Variants in ATP13A5 observed in about 807,000 individuals in gnomAD.
ATP13A5 encodes ATPase 13A5, also known as probable cation-transporting ATPase 13A5.
A neutral mutation model predicts 150.2 loss-of-function variants in ATP13A5; 149 were observed. That is an observed-to-expected ratio of 0.99 (90% CI 0.87 to 1.14). ATP13A5 has a LOEUF of 1.14. ATP13A5 is among the 50% of genes most tolerant of loss of function. The probability of loss-of-function intolerance (pLI) is 0.00; values close to 1 mark genes in which losing one functional copy is unlikely to be tolerated. For missense variants in ATP13A5, 1,383 were observed against 1,449.3 expected (o/e 0.95, Z 0.74); for synonymous variants, 497 against 522.2 (o/e 0.95, Z 0.66).
intron 27 of ATP13A5, among the ~76,000 whole-genome samples, chr3:193,283,648 G>A (rs1267445830): frequency 6.6e-6 from 1 of 152,068 alleles, no homozygotes; most frequent in Admixed American, 6.6e-5. Flanking sequence ...ACTGATAGAA[G>A]TGAAAATCAG....
chr3:193,368,723 A>G (rs7638331), intron 1 of ATP13A5, among the ~76,000 whole-genome samples: 146,292 of 152,210 alleles, frequency 0.96, 70,332 homozygotes, highest in African/African-American at 0.98. Flanking sequence ...AACGAATAGC[A>G]CTGGAAAATA....
intron 1 of ATP13A5, among the ~76,000 whole-genome samples, chr3:193,368,250 A>G (rs1713317038): frequency 6.6e-6 from 1 of 152,214 alleles, no homozygotes; most frequent in Non-Finnish European, 1.5e-5. Flanking sequence ...TTACCTTGTA[A>G]TAATTCTAAC....
chr3:193,355,211 C>A (rs1011103050), intron 5 of ATP13A5, among the ~76,000 whole-genome samples: 1 of 152,076 alleles, frequency 6.6e-6, no homozygotes, highest in Admixed American at 6.6e-5. Flanking sequence ...AGATTACAAG[C>A]GTGAGCCAGC....
intron 4 of ATP13A5, 40 bp downstream of exon 4, chr3:193,362,527 C>T: frequency 6.2e-6 from 10 of 1,613,086 alleles, no homozygotes; most frequent in Non-Finnish European, 8.5e-6. Flanking sequence ...GTGTTTTTCC[C>T]CTATATCCTG....
In ATP13A5 at chr3:193,302,392, A is replaced by G. The variant is rs369573705; in HGVS notation, c.2679-1085T>C. Among the ~76,000 whole-genome samples, 26 of 152,318 alleles carry G rather than the reference A, an allele frequency of 1.7e-4. 1 individual carries two copies. In the South Asian group the frequency reaches 5.4e-3, roughly 32 times the overall value. On this transcript the variant is annotated intron_variant, in intron 23 of 29. Transcript: ENST00000342358. ...AAGCTGAGAAGGGGCAAGCATGTGA[A>G]GTATGGATCGTTTTCCCAAGTCTGA...
At chr3:193,301,176 A>C in intron 24 of ATP13A5, 35 bp downstream of exon 24, 1 of 1,472,436 alleles carries the variant, frequency 6.8e-7, no homozygotes. Flanking sequence ...ACATAAATGC[A>C]ATTAGAACTG....
chr3:193,282,500 C>A (rs1717544762), intron 27 of ATP13A5, among the ~76,000 whole-genome samples: 1 of 151,944 alleles, frequency 6.6e-6, no homozygotes, highest in Admixed American at 6.6e-5. Flanking sequence ...CTCAGCCTCC[C>A]AAGTAGCTGA....
At chr3:193,378,140 A>G (rs1713708409) in intron 1 of ATP13A5, among the ~76,000 whole-genome samples, 2 of 152,072 alleles carry the variant, frequency 1.3e-5, no homozygotes, top group African/African-American at 4.8e-5. Flanking sequence ...GAGACATGAG[A>G]AATGTTTAAA....
At chr3:193,299,283 T>G (rs1300298803) in intron 24 of ATP13A5, 80 bp from the exon 25 acceptor site, 2 of 1,093,336 alleles carry the variant, frequency 1.8e-6, no homozygotes, top group East Asian at 5.1e-5. Context: ...TCTTTTTAAG[T>G]CGTTAGGAGG....
intron 27 of ATP13A5, among the ~76,000 whole-genome samples, chr3:193,281,804 A>C (rs1415826243): frequency 2.0e-5 from 3 of 152,170 alleles, no homozygotes; most frequent in Admixed American, 6.5e-5. Flanking sequence ...TATGTCTGGT[A>C]TAGGGGTTTG....
intron 1 of ATP13A5, among the ~76,000 whole-genome samples, chr3:193,374,464 G>C (rs544177590): frequency 3.9e-4 from 59 of 152,236 alleles, no homozygotes; most frequent in Non-Finnish European, 7.1e-4. Context: ...AAAACGTAGG[G>C]AGACCTCGTC....
At chr3:193,300,842 T>C (rs1718369195) in intron 24 of ATP13A5, among the ~76,000 whole-genome samples, 1 of 152,182 alleles carries the variant, frequency 6.6e-6, no homozygotes, top group African/African-American at 2.4e-5. Context: ...TTCTCTTCCT[T>C]TTTATCTCTT....
rs1717245836 is a variant in ATP13A5, at chr3:193,276,963, A to G, written c.3316-133T>C. 4.4e-6 allele frequency: 3 copies of G among 676,272 alleles called. No homozygotes were observed. The East Asian group carries it at 8.4e-5, about 19-fold the overall frequency. 41.9% of individuals were successfully genotyped at this position (676,272 alleles called of 1,614,324 possible). A position where few individuals can be genotyped will look rare whatever the true frequency, so the allele number is the denominator to read the frequency against. On this transcript the variant is annotated intron_variant, in intron 28 of 29. Coordinates refer to ENST00000342358, the MANE Select transcript of ATP13A5 (RefSeq NM_198505.4). ...GGTGGGCATTACTTTGTCCCTTTAC[A>G]GATAATACAACTGAAGGACTCAAAG...
At chr3:193,373,304 A>AT (rs890920495) in intron 1 of ATP13A5, among the ~76,000 whole-genome samples, 4 of 151,584 alleles carry the variant, frequency 2.6e-5, no homozygotes, top group Admixed American at 2.6e-4. Flanking sequence ...TGCCCAGCTA[A>AT]TTTTTTTTCT....
intron 13 of ATP13A5, among the ~76,000 whole-genome samples, chr3:193,325,507 C>G (rs1719437508): frequency 6.6e-6 from 1 of 152,178 alleles, no homozygotes; most frequent in South Asian, 2.1e-4. Flanking sequence ...TGAAGCCAGC[C>G]CACATAATGG....
intron 21 of ATP13A5, among the ~76,000 whole-genome samples, chr3:193,310,005 C>T (rs1202966704): frequency 1.3e-5 from 2 of 152,160 alleles, no homozygotes; most frequent in African/African-American, 4.8e-5. Context: ...ATTTTTTCTG[C>T]TCCTCTTCCT....
intron 6 of ATP13A5, among the ~76,000 whole-genome samples, chr3:193,351,758 T>G (rs1231272268): frequency 6.6e-6 from 1 of 152,190 alleles, no homozygotes. Flanking sequence ...GGAGGAAGAC[T>G]GGAGAGAAAT....
chr3:193,334,434 T>A (rs979558086), intron 10 of ATP13A5, among the ~76,000 whole-genome samples: 3 of 152,140 alleles, frequency 2.0e-5, no homozygotes, highest in Admixed American at 6.5e-5. Flanking sequence ...GAGACCAGCA[T>A]GATGGTGATG....
intron 14 of ATP13A5, among the ~76,000 whole-genome samples, chr3:193,324,586 A>C (rs1719404240): frequency 6.6e-6 from 1 of 152,190 alleles, no homozygotes; most frequent in South Asian, 2.1e-4. Context: ...TATTCACAAA[A>C]CACCACAGTA....
Sources: gnomAD v4.1 joint callset for allele counts (sites outside exome capture counted in the v4.1 genomes callset) on GRCh38, gnomAD v4.1.1 for gene constraint, MANE v1.5 for transcripts, NCBI Gene and HGNC (gene_info 2026-07-23, HGNC 2026-07-21) for gene names.